DNAJC13: variants seen among roughly 807,000 people sequenced by gnomAD.
The protein encoded by DNAJC13 is dnaJ homolog subfamily C member 13.
DNAJC13 carries 75 observed loss-of-function variants against 290.5 expected under a neutral mutation model. The ratio of observed to expected loss-of-function variants is 0.26; its 90% CI spans 0.21 to 0.31. DNAJC13 has a LOEUF of 0.31. Ranked by LOEUF, DNAJC13 falls within the 10% of genes least tolerant of loss-of-function variation. The pLI, the probability that DNAJC13 is intolerant of heterozygous loss-of-function variation, is 1.00. For synonymous variants in DNAJC13, 862 were observed against 892.0 expected (o/e 0.97, Z 0.60); for missense variants, 2,260 against 2,674.5 (o/e 0.85, Z 3.42).
rs1222201510 is a variant in DNAJC13, at chr3:132,447,805, G to C, written c.295-93G>C. 5.1e-6 allele frequency: 5 copies of C among 982,310 alleles called. No individual in the cohort carries two copies. In the African/African-American group the frequency reaches 8.2e-5, roughly 16 times the overall value. 60.8% of individuals were successfully genotyped at this position (982,310 alleles called of 1,614,324 possible). ...CAGTTTTTAGTGTCCAGGTTACCAAGTCAGGATTTTACTTGCTTTGAGTAG... is the reference window on the plus strand; with the variant it reads ...CAGTTTTTAGTGTCCAGGTTACCAACTCAGGATTTTACTTGCTTTGAGTAG... On this transcript the variant is annotated intron_variant, in intron 4 of 55. Transcript: ENST00000260818.
rs377028205 is a variant in DNAJC13 at position 132,531,163 on chromosome 3, C to T, written c.6625+66C>T. 1,630 of 1,345,564 alleles carry T rather than the reference C, an allele frequency of 1.2e-3. 4 individuals are homozygous for T. The highest frequency in any genetic ancestry group is 1.6e-3 in the Middle Eastern group (9 of 5,480). 83.4% of individuals were successfully genotyped at this position (1,345,564 alleles called of 1,614,324 possible). ...AAGCCACTTGGACCTTCCTTTTGCC[C>T]TAAATAGACTTAAAATTGTGTTCAG... On this transcript the variant is annotated intron_variant, in intron 55 of 55. Coordinates refer to ENST00000260818, the MANE Select transcript of DNAJC13 (RefSeq NM_015268.4).
intron 42 of DNAJC13, 24 bp downstream of exon 42, chr3:132,505,439 CTTGG>C: frequency 6.8e-7 from 1 of 1,467,582 alleles, no homozygotes; most frequent in Non-Finnish European, 9.5e-7. Flanking sequence ...TTATAAATTT[CTTGG>C]GTAATTTATT....
At chr3:132,439,995 C>T (rs967281120) in intron 2 of DNAJC13, among the ~76,000 whole-genome samples, 1 of 152,178 alleles carries the variant, frequency 6.6e-6, no homozygotes, top group Admixed American at 6.5e-5. Context: ...CAGTGGCTCA[C>T]GACTATAATC....
chr3:132,496,552 G>A lies in DNAJC13; in HGVS notation c.4045G>A (p.Ala1349Thr), dbSNP rs1935239250. 6.2e-7 allele frequency: 1 copy of A among 1,601,878 alleles called. No homozygotes were observed. Among genetic ancestry groups the A allele is most frequent in the Non-Finnish European group, 8.5e-7 (1 of 1,173,840 alleles). The change falls in exon 36 of 56, where the codon GCA (alanine) becomes ACA (threonine). Residue 1349 changes from alanine (A) to threonine (T), a missense_variant. Transcript: ENST00000260818. The stretch of plus-strand genomic sequence containing the variant: ...GGACATGTTTGAAAAAGTAAATAAA[G>A]CATATGAATTTTTATGTACCAAATC... The part of the protein sequence containing the change: ...GRDMFEKVNK[A>T]YEFLCTKSAK...
In DNAJC13 at chr3:132,523,536, A is replaced by G; in HGVS notation, c.5887-4A>G. 6.2e-7 allele frequency: 1 copy of G among 1,610,030 alleles called. No individual in the cohort carries two copies. The highest frequency in any genetic ancestry group is 8.5e-7 in the Non-Finnish European group (1 of 1,178,896). On this transcript the variant is annotated splice_polypyrimidine_tract_variant and splice_region_variant and intron_variant, in intron 50 of 55. Transcript: ENST00000260818. ...CTTGACTGTGGTTCTTTCTCTATTT[A>G]AAGTTGCCTGAAGATTTTGCTGTGG...
intron 53 of DNAJC13, 91 bp from the exon 54 acceptor site, chr3:132,528,098 C>T (rs1028054148): frequency 5.0e-5 from 73 of 1,462,876 alleles, no homozygotes; most frequent in Non-Finnish European, 1.6e-5. Flanking sequence ...AACAGGCTGC[C>T]TTCCAGGTAG....
rs758884693 is a variant in DNAJC13, at chr3:132,492,415, C to T, written c.3625C>T (p.Arg1209Cys). 1.1e-5 allele frequency: 17 copies of T among 1,613,404 alleles called. No individual in the cohort carries two copies. The highest frequency in any genetic ancestry group is 5.3e-5 in the African/African-American group (4 of 74,798). ...GAATGGAGGTTTTTATGATTGTAGG[C>T]GCCTGATGATAGAGAAGATTGCTGC... ...PEAIWSSEMR[R>C]LMIEKIAAHL... is the part of the protein sequence containing the mutation. Residue 1209 changes from arginine to cysteine, a missense_variant and splice_region_variant, in exon 33 of 56, where the codon CGC (arginine) becomes TGC (cysteine). By Grantham distance (180) the Arg-to-Cys change is radical. Transcript: ENST00000260818.
intron 29 of DNAJC13, among the ~76,000 whole-genome samples, chr3:132,487,260 A>T (rs1425462351): frequency 6.6e-6 from 1 of 151,758 alleles, no homozygotes; most frequent in Non-Finnish European, 1.5e-5. Flanking sequence ...AATTAATTTT[A>T]TTTATTTATT....
Position 132,502,404 on chromosome 3 carries a change from T to C in DNAJC13, c.4652T>C (p.Leu1551Pro), listed in dbSNP as rs1935447785. 1.9e-6 allele frequency: 3 copies of C among 1,614,112 alleles called. No individual in the cohort carries two copies. Among genetic ancestry groups the C allele is most frequent in the Non-Finnish European group, 1.7e-6 (2 of 1,179,974 alleles). ...ATTTTGTGGTATCTCCTTGGTTTTCTGTTTAATTATGACTACACACTAGAA... is the reference window on the plus strand; with the variant it reads ...ATTTTGTGGTATCTCCTTGGTTTTCCGTTTAATTATGACTACACACTAGAA... ...AGILWYLLGF[L>P]FNYDYTLEES... is the part of the protein sequence containing the mutation. Residue 1551 changes from leucine (L) to proline (P), a missense_variant, in exon 40 of 56, where the codon CTG becomes CCG. This residue lies in a region of DNAJC13 where 1,494 missense variants were observed against 1,693.7 expected (regional missense o/e 0.88). Coordinates refer to ENST00000260818, the MANE Select transcript of DNAJC13 (RefSeq NM_015268.4).
At chr3:132,437,738 GA>G (rs1416654197) in intron 2 of DNAJC13, among the ~76,000 whole-genome samples, 2 of 152,120 alleles carry the variant, frequency 1.3e-5, no homozygotes, top group East Asian at 3.8e-4. Context: ...TTGAAACTTA[GA>G]AATACGAGTC....
rs1935482729 is a variant in DNAJC13, at chr3:132,503,355, A to G, written c.4858A>G (p.Lys1620Glu). ...AGMLTPYVAR[K>E]LAVASVTEIL... The stretch of plus-strand genomic sequence containing the variant: ...CATGCTGACACCCTATGTTGCTAGA[A>G]AACTTGCTGTGGCTAGTGTGACTGA... The change falls in exon 41 of 56, where the codon AAA (lysine) becomes GAA (glutamate). Residue 1620 changes from lysine (K) to glutamate (E), a missense_variant. Lys to Glu is a moderately conservative substitution (Grantham distance 56, BLOSUM62 1). Transcript: ENST00000260818. 1.2e-6 allele frequency: 2 copies of G among 1,613,994 alleles called. No individual in the cohort carries two copies. Among genetic ancestry groups the G allele is most frequent in the South Asian group, 2.2e-5 (2 of 91,086 alleles).
At chr3:132,495,006 T>C in intron 34 of DNAJC13, 82 bp from the exon 35 acceptor site, 1 of 939,398 alleles carries the variant, frequency 1.1e-6, no homozygotes, top group South Asian at 1.7e-5. Context: ...ATTAGATTCT[T>C]AAAATATCAT....
At chr3:132,447,795 A>G in intron 4 of DNAJC13, 103 bp from the exon 5 acceptor site, 1 of 876,038 alleles carries the variant, frequency 1.1e-6, no homozygotes, top group Non-Finnish European at 1.8e-6. Context: ...TTTAGTGTCC[A>G]GGTTACCAAG....
intron 25 of DNAJC13, among the ~76,000 whole-genome samples, chr3:132,479,943 T>G (rs1004915516): frequency 6.6e-6 from 1 of 152,004 alleles, no homozygotes; most frequent in African/African-American, 2.4e-5. Flanking sequence ...ATTGAAATTA[T>G]AGTCTCTTAA....
At chr3:132,441,675 T>C (rs75420923) in intron 2 of DNAJC13, among the ~76,000 whole-genome samples, 15,038 of 152,240 alleles carry the variant, frequency 0.099, 1,336 homozygotes, top group East Asian at 0.5. Flanking sequence ...CTGAATTACA[T>C]GGATTTTCTG....
chr3:132,512,306 A>G (rs1935800452), intron 44 of DNAJC13, among the ~76,000 whole-genome samples: 1 of 152,190 alleles, frequency 6.6e-6, no homozygotes. Context: ...TTCCCTATCA[A>G]TAAGTGGTTT....
In DNAJC13 at chr3:132,503,401, C is replaced by G. The variant is rs1189796789; in HGVS notation, c.4884+20C>G. On this transcript the variant is annotated intron_variant, in intron 41 of 55. Coordinates refer to ENST00000260818, the MANE Select transcript of DNAJC13 (RefSeq NM_015268.4). ...ACTGAGGTATGTGCTTCACAGGTAG[C>G]CTGGGTTTTAATCAATAGTGCAAGA... 41 of 1,613,308 alleles carry G rather than the reference C, an allele frequency of 2.5e-5. No individual in the cohort carries two copies. Among genetic ancestry groups the G allele is most frequent in the Non-Finnish European group, 3.3e-5 (39 of 1,179,612 alleles).
chr3:132,443,675 G>A (rs960547652), intron 2 of DNAJC13, among the ~76,000 whole-genome samples: 1 of 152,148 alleles, frequency 6.6e-6, no homozygotes, highest in Non-Finnish European at 1.5e-5. Flanking sequence ...ATCCTTAAGC[G>A]GAAGTTCAAC....
chr3:132,470,185 A>G (rs1576479218), intron 20 of DNAJC13, among the ~76,000 whole-genome samples: 1 of 68,656 alleles, frequency 1.5e-5, no homozygotes, highest in Non-Finnish European at 2.8e-5. Context: ...ATTGGTGATG[A>G]CTCTTAACGA....
Sources: gnomAD v4.1 joint callset for allele counts (sites outside exome capture counted in the v4.1 genomes callset) on GRCh38, gnomAD v4.1.1 for gene constraint, gnomAD v4.1.1 regional missense constraint, MANE v1.5 for transcripts, NCBI Gene and HGNC (gene_info 2026-07-23, HGNC 2026-07-21) for gene names.